The following PDE4D variants were observed in gnomAD, a reference collection of about 807,000 sequenced individuals.
PDE4D encodes the protein 3',5'-cyclic-AMP phosphodiesterase 4D.
In PDE4D, 24 loss-of-function variants were observed where a neutral mutation model predicts 87.4. The observed-to-expected ratio is 0.27, with a 90% CI of 0.20 to 0.39. PDE4D has a LOEUF of 0.39. Among genes scored for constraint, PDE4D ranks in the 10% least tolerant of loss-of-function variants. The probability of loss-of-function intolerance (pLI) is 1.00; values close to 1 mark genes in which losing one functional copy is unlikely to be tolerated. For missense variants in PDE4D, 714 were observed against 1,041.0 expected (o/e 0.69, Z 4.32); for synonymous variants, 384 against 383.2 (o/e 1.00, Z -0.02).
chr5:59,342,853 A>T (rs897539455), intron 1 of PDE4D, among the ~76,000 whole-genome samples: 3 of 152,164 alleles, frequency 2.0e-5, no homozygotes, highest in African/African-American at 7.2e-5. Context: ...GCGCAAGATG[A>T]TGTTCTGAAA....
At chr5:60,166,435 C>T (rs1193873867) in intron 2 of PDE4D, among the ~76,000 whole-genome samples, 2 of 152,204 alleles carry the variant, frequency 1.3e-5, no homozygotes, top group Non-Finnish European at 2.9e-5. Flanking sequence ...ACTTTTACCT[C>T]ATTCTCCCAA....
At chr5:59,490,872 T>C (rs1806058579) in intron 1 of PDE4D, among the ~76,000 whole-genome samples, 1 of 152,220 alleles carries the variant, frequency 6.6e-6, no homozygotes, top group Non-Finnish European at 1.5e-5. Context: ...AATGTATCTC[T>C]ATCCAGATTA....
At chr5:59,590,006 A>C (rs559707442) in intron 1 of PDE4D, among the ~76,000 whole-genome samples, 4 of 152,244 alleles carry the variant, frequency 2.6e-5, no homozygotes, top group African/African-American at 9.6e-5. Context: ...CAAAGAAAAA[A>C]CTGTAATTTA....
chr5:60,215,676 A>T (rs1743778761), intron 1 of PDE4D, among the ~76,000 whole-genome samples: 1 of 152,186 alleles, frequency 6.6e-6, no homozygotes, highest in Non-Finnish European at 1.5e-5. Flanking sequence ...GACAAGCAAC[A>T]GCAGCATCAC....
At chr5:59,901,923 A>AACACACAC (rs59453461) in intron 3 of PDE4D, among the ~76,000 whole-genome samples, 1,653 of 134,296 alleles carry the variant, frequency 0.012, 24 homozygotes, top group Middle Eastern at 0.019. Context: ...CTTACATGCA[A>AACACACAC]ACACACACAC....
chr5:60,079,863 T>G (rs994907612), intron 2 of PDE4D, among the ~76,000 whole-genome samples: 1 of 152,262 alleles, frequency 6.6e-6, no homozygotes, highest in Non-Finnish European at 1.5e-5. Context: ...ATCCAAAGTC[T>G]TATTTGAATC....
intron 2 of PDE4D, among the ~76,000 whole-genome samples, chr5:59,990,243 T>C (rs1239700750): frequency 1.3e-5 from 2 of 152,166 alleles, no homozygotes; most frequent in Non-Finnish European, 2.9e-5. Flanking sequence ...TCGGAGTCAT[T>C]GTGTGGACCA....
In PDE4D at chr5:59,886,484, T is replaced by G. The variant is rs183250775; in HGVS notation, c.455+6684A>C. The stretch of plus-strand genomic sequence containing the variant: ...GTGAGCCGAGATCGCGCCATTCCAC[T>G]CCAGCTCGGACGATAAATAAAAATA... On this transcript the variant is annotated intron_variant, in intron 1 of 14. Coordinates refer to ENST00000340635, the MANE Select transcript of PDE4D (RefSeq NM_001104631.2). Among the ~76,000 whole-genome samples, 28 of 150,850 alleles carry G rather than the reference T, an allele frequency of 1.9e-4. 1 individual carries two copies. In the East Asian group the frequency reaches 4.5e-3, roughly 24 times the overall value.
chr5:60,505,874 A>G (rs1035692900), intron 1 of PDE4D, among the ~76,000 whole-genome samples: 1 of 152,194 alleles, frequency 6.6e-6, no homozygotes, highest in Non-Finnish European at 1.5e-5. Context: ...TATCTAATAC[A>G]TGTATCTCTT....
At chr5:59,543,576 A>G (rs927924380) in intron 1 of PDE4D, among the ~76,000 whole-genome samples, 4 of 152,146 alleles carry the variant, frequency 2.6e-5, no homozygotes, top group African/African-American at 9.6e-5. Context: ...AGGTTTAGAG[A>G]GGTCAACTGC....
In PDE4D at chr5:58,970,502, C is replaced by T. The variant is rs1297517143; in HGVS notation, c.*4162G>A. Reference sequence around the variant, plus strand: ...CCATATAATCCATTATAAATGTTTCCTGCTTTAGGGGCTGGCCATTGTACA... The same window carrying T: ...CCATATAATCCATTATAAATGTTTCTTGCTTTAGGGGCTGGCCATTGTACA... On this transcript the variant is annotated 3_prime_UTR_variant, in exon 15 of 15. Coordinates refer to ENST00000340635, the MANE Select transcript of PDE4D (RefSeq NM_001104631.2). 1 of 152,052 alleles carries T rather than the reference C, an allele frequency of 6.6e-6. No homozygotes were observed. Among genetic ancestry groups the T allele is most frequent in the Non-Finnish European group, 1.5e-5 (1 of 67,992 alleles). The allele number at this position is 152,052 out of a possible 1,614,324, so 9.4% of individuals were successfully genotyped here. A position where few individuals can be genotyped will look rare whatever the true frequency, so the allele number is the denominator to read the frequency against.
chr5:59,620,900 G>C (rs1041482364), intron 1 of PDE4D, among the ~76,000 whole-genome samples: 3 of 152,098 alleles, frequency 2.0e-5, no homozygotes, highest in Admixed American at 6.6e-5. Context: ...AATTCCAACA[G>C]CTCTTAAATA....
chr5:59,768,677 A>G, intron 1 of PDE4D: 1 of 1,471,074 alleles, frequency 6.8e-7, no homozygotes, highest in African/African-American at 1.4e-5. Flanking sequence ...AGAGGAGGCG[A>G]GCGCACTCCT....
chr5:59,813,475 CACACACAT>C lies in PDE4D; in HGVS notation c.455+79685_455+79692del, dbSNP rs777551982. On this transcript the variant is annotated intron_variant, in intron 1 of 14. Transcript: ENST00000340635. Reference sequence around the variant, plus strand: ...ACACACACACACACACACACACACACACACACATATGCCTGTCATTGGTTACCTTTCCC... The same window carrying C: ...ACACACACACACACACACACACACACATGCCTGTCATTGGTTACCTTTCCC... 7.9e-4 allele frequency among the ~76,000 whole-genome samples: 113 copies of C among 143,098 alleles called. 1 individual carries two copies. The highest frequency in any genetic ancestry group is 4.5e-3 in the South Asian group (20 of 4,422). 93.9% of individuals were successfully genotyped at this position (143,098 alleles called of 152,430 possible). A position where few individuals can be genotyped will look rare whatever the true frequency, so the allele number is the denominator to read the frequency against.
chr5:59,205,479 C>T (rs966017513), intron 2 of PDE4D, among the ~76,000 whole-genome samples: 1 of 152,030 alleles, frequency 6.6e-6, no homozygotes, highest in Non-Finnish European at 1.5e-5. Context: ...TTGTTTTTAC[C>T]ATGCCGCTTT....
At chr5:59,970,602 A>T (rs974735645) in intron 3 of PDE4D, among the ~76,000 whole-genome samples, 15 of 152,194 alleles carry the variant, frequency 9.9e-5, no homozygotes, top group African/African-American at 3.4e-4. Flanking sequence ...AAACACATGA[A>T]AAAATGCTCA....
At chr5:59,572,371 A>G (rs1821990447) in intron 1 of PDE4D, among the ~76,000 whole-genome samples, 1 of 152,138 alleles carries the variant, frequency 6.6e-6, no homozygotes, top group Non-Finnish European at 1.5e-5. Context: ...TTTTATTTGG[A>G]TTATCCTTTT....
intron 3 of PDE4D, chr5:59,986,871 A>C (rs772452788): frequency 6.6e-6 from 1 of 152,210 alleles, no homozygotes; most frequent in Admixed American, 6.5e-5. Flanking sequence ...TGAGTCTTTA[A>C]TAGGCTTCCC....
chr5:59,259,174 T>C (rs1168640088), intron 1 of PDE4D, among the ~76,000 whole-genome samples: 2 of 151,882 alleles, frequency 1.3e-5, no homozygotes, highest in East Asian at 3.9e-4. Flanking sequence ...AATAATAAAC[T>C]GGCTAGCATT....
Sources: gnomAD v4.1 joint callset for allele counts (sites outside exome capture counted in the v4.1 genomes callset) on GRCh38, gnomAD v4.1.1 for gene constraint, MANE v1.5 for transcripts, NCBI Gene and HGNC (gene_info 2026-07-23, HGNC 2026-07-21) for gene names.